DPP6: variants seen among roughly 807,000 people sequenced by gnomAD.
DPP6 encodes A-type potassium channel modulatory protein DPP6.
A neutral mutation model predicts 122.6 loss-of-function variants in DPP6; 69 were observed. That is an observed-to-expected ratio of 0.56 (90% CI 0.46 to 0.69). DPP6 has a LOEUF of 0.69. Among genes scored for constraint, DPP6 ranks in the 30% least tolerant of loss-of-function variants. The pLI, the probability that DPP6 is intolerant of heterozygous loss-of-function variation, is 0.00. For missense variants in DPP6, 928 were observed against 1,116.9 expected (o/e 0.83, Z 2.41); for synonymous variants, 418 against 433.1 (o/e 0.97, Z 0.43).
intron 5 of DPP6, among the ~76,000 whole-genome samples, chr7:154,596,298 G>A (rs1247279804): frequency 1.3e-5 from 2 of 152,236 alleles, no homozygotes; most frequent in East Asian, 1.9e-4. Flanking sequence ...GCAAAATGCA[G>A]TGACTGTCTG....
At chr7:154,062,022 G>A (rs1235476092) in intron 1 of DPP6, among the ~76,000 whole-genome samples, 11 of 130,164 alleles carry the variant, frequency 8.5e-5, no homozygotes, top group South Asian at 2.8e-4. Context: ...GCAGGGGGGG[G>A]GAGGCACCCC....
chr7:154,574,819 TTG>T (rs1194437637), intron 5 of DPP6, among the ~76,000 whole-genome samples: 170 of 129,274 alleles, frequency 1.3e-3, no homozygotes, highest in Non-Finnish European at 2.5e-3. Context: ...TGTGATGTGT[TTG>T]TGTGGTGTGT....
chr7:154,858,900 C>T lies in DPP6; in HGVS notation c.1714+5073C>T, dbSNP rs552454189. Reference sequence around the variant, plus strand: ...TCTGGGCTCTCCACACAGCACCAGGCCCCTTCCTTGTACCAACCCTATGAG... The same window carrying T: ...TCTGGGCTCTCCACACAGCACCAGGTCCCTTCCTTGTACCAACCCTATGAG... On this transcript the variant is annotated intron_variant, in intron 17 of 25. Transcript: ENST00000377770. Among the ~76,000 whole-genome samples, 3 of 152,298 alleles carry T rather than the reference C, an allele frequency of 2.0e-5. No individual in the cohort carries two copies. In the East Asian group the frequency reaches 5.8e-4, roughly 29 times the overall value.
chr7:154,155,606 C>T (rs1796638339), intron 1 of DPP6, among the ~76,000 whole-genome samples: 2 of 152,136 alleles, frequency 1.3e-5, no homozygotes, highest in Admixed American at 1.3e-4. Flanking sequence ...GTCTAGTAGC[C>T]TTGTGCCAGG....
intron 5 of DPP6, among the ~76,000 whole-genome samples, chr7:154,590,573 T>TTTTTTTTTTTTTTTTTTTTTGAGAC (rs1439562735): frequency 7.1e-6 from 1 of 140,952 alleles, no homozygotes; most frequent in African/African-American, 2.7e-5. Flanking sequence ...TAACTCTTGT[T>TTTTTTTTTTTTTTTTTTTTTGAGAC]GCCCAGGCTG....
the DPP6 span, among the ~76,000 whole-genome samples, chr7:153,779,258 T>C: frequency 5.5e-4 from 81 of 147,238 alleles, no homozygotes; most frequent in East Asian, 0.015. Context: ...GCATGAAGTA[T>C]CTTGTGGTGT....
At chr7:154,257,455 G>A (rs1802731090) in intron 1 of DPP6, among the ~76,000 whole-genome samples, 1 of 152,062 alleles carries the variant, frequency 6.6e-6, no homozygotes, top group Admixed American at 6.6e-5. Context: ...AGCACTTTGG[G>A]AGGCTGAGGC....
intron 1 of DPP6, among the ~76,000 whole-genome samples, chr7:154,064,270 A>G (rs577485609): frequency 6.6e-6 from 1 of 152,266 alleles, no homozygotes; most frequent in Non-Finnish European, 1.5e-5. Context: ...CCGTCCTGCC[A>G]TCTGACCAGA....
chr7:153,907,743 C>T (rs1394479700), intron 1 of DPP6, among the ~76,000 whole-genome samples: 1 of 152,202 alleles, frequency 6.6e-6, no homozygotes, highest in Non-Finnish European at 1.5e-5. Context: ...ATTGACTTTT[C>T]TCTGGGTTTC....
chr7:154,574,049 TG>T (rs1831293522), intron 5 of DPP6, among the ~76,000 whole-genome samples: 1 of 152,388 alleles, frequency 6.6e-6, no homozygotes, highest in South Asian at 2.1e-4. Context: ...ATTATTTTCT[TG>T]TTTGTTTTTT....
chr7:154,765,715 T>A (rs1433790184), intron 8 of DPP6, among the ~76,000 whole-genome samples: 1 of 152,180 alleles, frequency 6.6e-6, no homozygotes, highest in Non-Finnish European at 1.5e-5. Flanking sequence ...CCCGGATGTA[T>A]CTTTCTTTTC....
intron 1 of DPP6, among the ~76,000 whole-genome samples, chr7:153,967,957 C>A (rs1385490853): frequency 6.6e-6 from 1 of 151,302 alleles, no homozygotes; most frequent in Non-Finnish European, 1.5e-5. Flanking sequence ...TTATCCAGTT[C>A]ACCATTGGTG....
chr7:153,756,476 G>A, the DPP6 span, among the ~76,000 whole-genome samples: 6 of 152,090 alleles, frequency 3.9e-5, no homozygotes, highest in African/African-American at 1.2e-4. Flanking sequence ...ATCTGAGCAC[G>A]CAGTGAAGGG....
the DPP6 span, among the ~76,000 whole-genome samples, chr7:153,872,123 T>C: frequency 9.5e-3 from 1,442 of 152,308 alleles, 23 homozygotes; most frequent in African/African-American, 0.029. Context: ...TCTGTAATGT[T>C]TTGCCTTAAA....
At chr7:154,333,249 A>G (rs186340922) in intron 1 of DPP6, among the ~76,000 whole-genome samples, 1,786 of 146,136 alleles carry the variant, frequency 0.012, 25 homozygotes, top group Non-Finnish European at 0.018. Context: ...CATATTTCTC[A>G]GGGCTTTTTT....
chr7:154,257,333 A>T (rs1276697109), intron 1 of DPP6, among the ~76,000 whole-genome samples: 1 of 151,754 alleles, frequency 6.6e-6, no homozygotes, highest in Non-Finnish European at 1.5e-5. Flanking sequence ...CCCCATCAGC[A>T]TCTTCTCATC....
chr7:153,968,228 A>G (rs1227633939), intron 1 of DPP6, among the ~76,000 whole-genome samples: 1 of 150,262 alleles, frequency 6.7e-6, no homozygotes, highest in East Asian at 1.9e-4. Context: ...GACTTTTTAA[A>G]AAAACCATCG....
chr7:154,038,434 C>T (rs1350404501), intron 1 of DPP6: 1 of 37,118 alleles, frequency 2.7e-5, no homozygotes, highest in Non-Finnish European at 5.2e-5. Flanking sequence ...TATGACCTAC[C>T]AGTAGATTAT....
intron 4 of DPP6, among the ~76,000 whole-genome samples, chr7:154,546,337 A>G (rs533682779): frequency 5.9e-5 from 9 of 152,236 alleles, no homozygotes; most frequent in African/African-American, 2.2e-4. Flanking sequence ...CATAACTGCC[A>G]TTTCAATGCC....
Sources: allele counts gnomAD v4.1 joint callset (sites outside exome capture counted in the v4.1 genomes callset), GRCh38; gene constraint gnomAD v4.1.1; transcripts MANE v1.5; gene names NCBI Gene and HGNC (gene_info 2026-07-23, HGNC 2026-07-21).